AKAP9: variants seen among roughly 807,000 people sequenced by gnomAD.
AKAP9 encodes A-kinase anchor protein 9.
In AKAP9, 311 loss-of-function variants were observed where a neutral mutation model predicts 488.5. That is an observed-to-expected ratio of 0.64 (90% CI 0.58 to 0.70). AKAP9 has a LOEUF of 0.70. Ranked by LOEUF, AKAP9 falls within the 30% of genes least tolerant of loss-of-function variation. The pLI is 0.00. For synonymous variants in AKAP9, 1,462 were observed against 1,483.5 expected, an observed-to-expected ratio of 0.99 and a Z score of 0.33; for missense variants, 4,215 against 4,374.5, an observed-to-expected ratio of 0.96 and a Z score of 1.03.
Position 91,995,744 on chromosome 7 carries a change from G to A in AKAP9, c.874G>A (p.Glu292Lys), listed in dbSNP as rs1798316659. 6.2e-7 allele frequency: 1 copy of A among 1,613,088 alleles called. No homozygotes were observed. Among genetic ancestry groups the A allele is most frequent in the East Asian group, 2.2e-5 (1 of 44,868 alleles). Reference protein sequence around the residue: ...HLLEDYQKKKEDFTMQISFLQ... With the variant: ...HLLEDYQKKKKDFTMQISFLQ... ...ATTAGAAGATTATCAGAAAAAGAAAGAAGACTTCACAATGCAAATTAGTTT... is the reference window on the plus strand; with the variant it reads ...ATTAGAAGATTATCAGAAAAAGAAAAAAGACTTCACAATGCAAATTAGTTT... Residue 292 changes from glutamate (E) to lysine (K), a missense_variant, in exon 7 of 50, where the codon GAA becomes AAA. Transcript: ENST00000356239.
chr7:91,987,142 C>T (rs887363834), intron 3 of AKAP9, among the ~76,000 whole-genome samples: 2 of 152,126 alleles, frequency 1.3e-5, no homozygotes, highest in Admixed American at 6.5e-5. Context: ...GAGCCAGGCA[C>T]GGTGGCTCAT....
At chr7:91,998,807 C>G (rs1798747618) in intron 7 of AKAP9, among the ~76,000 whole-genome samples, 1 of 151,868 alleles carries the variant, frequency 6.6e-6, no homozygotes, top group Admixed American at 6.6e-5. Flanking sequence ...ATATATTACA[C>G]TCGTATATAT....
rs144662445 is a variant in AKAP9 at position 92,079,771 on chromosome 7, A to G, written c.7638A>G (p.Ile2546Met). ...AGAAGATTGTAAACCTACAGAAAAT[A>G]GTTGAAGAAAAAGTGGCTGCTGCTC... is the stretch of plus-strand genomic sequence containing the variant. ...LQKKIVNLQK[I>M]VEEKVAAALV... The change falls in exon 31 of 50, where the codon ATA (isoleucine) becomes ATG (methionine). Residue 2546 changes from isoleucine (I) to methionine (M), a missense_variant. Physicochemically the swap from Ile to Met is conservative, Grantham distance 10 (BLOSUM62 1). Coordinates refer to ENST00000356239, the MANE Select transcript of AKAP9 (RefSeq NM_005751.5). The G allele has an allele frequency of 4.5e-4, 732 of 1,614,144 alleles. 5 individuals are homozygous for G. The African/African-American group carries it at 8.2e-3, about 18-fold the overall frequency.
chr7:92,033,442 C>CTTTTTT (rs35497475), intron 16 of AKAP9, among the ~76,000 whole-genome samples: 188 of 107,310 alleles, frequency 1.8e-3, no homozygotes, highest in Non-Finnish European at 2.4e-3. Flanking sequence ...CTTTTCTTTT[C>CTTTTTT]TTTTTTTTTT....
At chr7:92,036,511 A>G (rs1805226557) in intron 16 of AKAP9, among the ~76,000 whole-genome samples, 1 of 152,038 alleles carries the variant, frequency 6.6e-6, no homozygotes, top group African/African-American at 2.4e-5. Context: ...ATCATCTTGA[A>G]TCTTGGCAGT....
chr7:92,079,275 C>A lies in AKAP9; in HGVS notation c.7142C>A (p.Ala2381Glu). ...SMNAHSLSEE[A>E]DSLKHQLDVV... The stretch of plus-strand genomic sequence containing the variant: ...AATGCTCATTCCCTCTCAGAAGAAG[C>A]AGACAGTTTAAAACATCAATTGGAT... Residue 2381 changes from alanine (A) to glutamate (E), a missense_variant, in exon 31 of 50, where the codon GCA (alanine) becomes GAA (glutamate). By Grantham distance (107) the Ala-to-Glu change is moderately radical. Around this residue, in one of 5 missense-constraint regions of AKAP9, gnomAD observed 1,476 missense variants for 1,477.4 expected, o/e 1.00. Coordinates refer to ENST00000356239, the MANE Select transcript of AKAP9 (RefSeq NM_005751.5). The A allele has an allele frequency of 6.2e-7, 1 of 1,614,038 alleles. No individual in the cohort carries two copies. Among genetic ancestry groups the A allele is most frequent in the Non-Finnish European group, 8.5e-7 (1 of 1,179,980 alleles).
intron 21 of AKAP9, among the ~76,000 whole-genome samples, chr7:92,045,835 T>TC: frequency 7.0e-6 from 1 of 142,566 alleles, no homozygotes; most frequent in East Asian, 2.0e-4. Context: ...CGTTTCTTTT[T>TC]TTTTTTTTTT....
At chr7:91,944,709 C>G (rs1791217345) in intron 1 of AKAP9, among the ~76,000 whole-genome samples, 1 of 152,118 alleles carries the variant, frequency 6.6e-6, no homozygotes, top group South Asian at 2.1e-4. Context: ...TTTTAAAAAA[C>G]ATAAAGGCTT....
intron 24 of AKAP9, chr7:92,063,627 A>G: frequency 3.2e-6 from 1 of 316,382 alleles, no homozygotes; most frequent in Non-Finnish European, 4.6e-6. Flanking sequence ...CCATACTTAC[A>G]GTTTTTCTCT....
rs1334787173 is a variant in AKAP9, at chr7:92,032,716, T to C, written c.4338+1112T>C. On this transcript the variant is annotated intron_variant, in intron 16 of 49. Coordinates refer to ENST00000356239, the MANE Select transcript of AKAP9 (RefSeq NM_005751.5). ...AAGACCTAAGGAAATATCTGGGCCA[T>C]AAGGACTTATTCACTTATGCCTAAA... Among the ~76,000 whole-genome samples, 4 of 152,212 alleles carry C rather than the reference T, an allele frequency of 2.6e-5. No individual in the cohort carries two copies. In the East Asian group the frequency reaches 7.7e-4, roughly 29 times the overall value.
In AKAP9 at chr7:92,084,938, A is replaced by G. The variant is rs896033891; in HGVS notation, c.8830A>G (p.Lys2944Glu). 1 of 1,612,714 alleles carries G rather than the reference A, an allele frequency of 6.2e-7. No homozygotes were observed. The highest frequency in any genetic ancestry group is 8.5e-7 in the Non-Finnish European group (1 of 1,179,316). ...SATDSFPKKI[K>E]GLLRAVHNEG... ...AACAGATTCCTTTCCAAAGAAAATA[A>G]AGGTACTAAAAGATAGATACCTTTT... Residue 2944 changes from lysine (K) to glutamate (E), a missense_variant and splice_region_variant, in exon 35 of 50, where the codon AAG becomes GAG. By Grantham distance (56) the Lys-to-Glu change is moderately conservative. Coordinates refer to ENST00000356239, the MANE Select transcript of AKAP9 (RefSeq NM_005751.5).
chr7:92,040,895 C>T lies in AKAP9; in HGVS notation c.4914C>T (p.Ala1638=), dbSNP rs1159405768. 2 of 1,609,152 alleles carry T rather than the reference C, an allele frequency of 1.2e-6. No individual in the cohort carries two copies. The highest frequency in any genetic ancestry group is 1.7e-5 in the Admixed American group (1 of 59,376). Residue 1638 remains alanine, a synonymous_variant, in exon 18 of 50, where the codon GCC becomes GCT. Transcript: ENST00000356239. ...EEIKRLNRQL[A]QRSSIDNENL... ...TTAAGAGACTTAATAGACAATTAGC[C>T]CAGGTAAGGGTCTTGTAGTCCCCTT... is the stretch of plus-strand genomic sequence containing the variant.
intron 19 of AKAP9, 120 bp downstream of exon 19, chr7:92,042,306 C>G: frequency 7.5e-7 from 1 of 1,334,496 alleles, no homozygotes; most frequent in Non-Finnish European, 1.1e-6. Flanking sequence ...ATATTTGTGA[C>G]TGCATGTGTG....
chr7:91,962,978 G>A (rs1476568854), intron 1 of AKAP9, among the ~76,000 whole-genome samples: 1 of 152,088 alleles, frequency 6.6e-6, no homozygotes, highest in African/African-American at 2.4e-5. Flanking sequence ...ATATTTTGCT[G>A]TCTAAATGTA....
At position 92,066,548 on chromosome 7, in the gene AKAP9, T is replaced by G; in HGVS notation, c.6330+2T>G. On this transcript the variant is annotated splice_donor_variant, in intron 26 of 49. Transcript: ENST00000356239. LOFTEE classifies it high-confidence loss of function. ...ATCAGTGAACATCAAACTAGAGAGG[T>G]AAGAACTTCACTGATATTGCCCAAC... The G allele has an allele frequency of 1.2e-6, 2 of 1,613,306 alleles. No homozygotes were observed. The highest frequency in any genetic ancestry group is 1.7e-6 in the Non-Finnish European group (2 of 1,179,508).
At position 92,080,047 on chromosome 7, in the gene AKAP9, AAAAG is replaced by A; in HGVS notation, c.7918_7921del (p.Glu2640ArgfsTer4). On this transcript the variant is annotated frameshift_variant, in exon 31 of 50. Coordinates refer to ENST00000356239, the MANE Select transcript of AKAP9 (RefSeq NM_005751.5). LOFTEE classifies it high-confidence loss of function. ...AAATTGCAGAAAAAAATGTTTTAGA[AAAAG>A]AAAAGAAGCTGCTAGAACTACAGAA... The A allele has an allele frequency of 4.5e-6, 7 of 1,564,378 alleles. No individual in the cohort carries two copies. Among genetic ancestry groups the A allele is most frequent in the Non-Finnish European group, 6.0e-6 (7 of 1,164,942 alleles).
At chr7:91,984,425 A>C (rs1391759502) in intron 3 of AKAP9, among the ~76,000 whole-genome samples, 1 of 152,210 alleles carries the variant, frequency 6.6e-6, no homozygotes, top group Non-Finnish European at 1.5e-5. Flanking sequence ...GGTTTGTCAA[A>C]GATCAAATGG....
At chr7:91,967,483 T>C (rs1197559544) in intron 1 of AKAP9, among the ~76,000 whole-genome samples, 1 of 152,234 alleles carries the variant, frequency 6.6e-6, no homozygotes, top group Non-Finnish European at 1.5e-5. Flanking sequence ...GCATCTTCTG[T>C]ATCCAGTTTG....
rs1428445387 is a variant in AKAP9 at position 92,055,284 on chromosome 7, ATTG to A, written c.5601+2331_5601+2333del. ...GTATAAGTTAAGATTTTGTTTTGTC[ATTG>A]TTGTGTTTGAAACATAACTGCAATC... is the stretch of plus-strand genomic sequence containing the variant. On this transcript the variant is annotated intron_variant, in intron 22 of 49. Transcript: ENST00000356239. Among the ~76,000 whole-genome samples the A allele has an allele frequency of 5.7e-4, 86 of 152,188 alleles. 1 individual carries two copies. Among genetic ancestry groups the A allele is most frequent in the Non-Finnish European group, 1.3e-4 (9 of 67,964 alleles).
Sources: gnomAD v4.1 joint callset for allele counts (sites outside exome capture counted in the v4.1 genomes callset) on GRCh38, gnomAD v4.1.1 for gene constraint, gnomAD v4.1.1 regional missense constraint, MANE v1.5 for transcripts, NCBI Gene and HGNC (gene_info 2026-07-23, HGNC 2026-07-21) for gene names.